PLCD3: variants seen among roughly 807,000 people sequenced by gnomAD.
PLCD3 encodes phospholipase C delta 3, also known as 1-phosphatidylinositol 4,5-bisphosphate phosphodiesterase delta-3.
Under a neutral mutation model 82.8 loss-of-function variants are expected in PLCD3, and 62 were observed. That is an observed-to-expected ratio of 0.75 (90% CI 0.61 to 0.93). PLCD3 has a LOEUF of 0.93. Ranked by LOEUF, PLCD3 falls within the 40% of genes least tolerant of loss-of-function variation. PLCD3 has a pLI of 0.00. For missense variants in PLCD3, 1,023 were observed against 1,103.4 expected (o/e 0.93, Z 1.03); for synonymous variants, 478 against 471.8 (o/e 1.01, Z -0.17).
chr17:45,121,972 A>AAAG (rs1371434667), intron 1 of PLCD3, among the ~76,000 whole-genome samples: 1 of 150,854 alleles, frequency 6.6e-6, no homozygotes, highest in African/African-American at 2.4e-5. Flanking sequence ...AAAAAAAAAA[A>AAAG]AATTGCCTTT....
At chr17:45,129,478 A>G (rs2054404123) in intron 1 of PLCD3, among the ~76,000 whole-genome samples, 1 of 152,148 alleles carries the variant, frequency 6.6e-6, no homozygotes, top group Non-Finnish European at 1.5e-5. Context: ...ATAAACAACT[A>G]ACAACAACAG....
intron 1 of PLCD3, among the ~76,000 whole-genome samples, chr17:45,127,435 C>A (rs184304305): frequency 6.6e-6 from 1 of 152,270 alleles, no homozygotes. Flanking sequence ...CGGTTTGGGG[C>A]GTGGATGGTC....
intron 14 of PLCD3, 60 bp from the exon 15 acceptor site, chr17:45,112,764 C>T (rs1432674984): frequency 3.0e-5 from 47 of 1,588,940 alleles, no homozygotes; most frequent in East Asian, 6.9e-5. Flanking sequence ...TGGCCCAGCC[C>T]GGGCCTGCTT....
rs2054315078 is a variant in PLCD3 at position 45,118,958 on chromosome 17, T to A, written c.770A>T (p.Glu257Val). The A allele has an allele frequency of 6.2e-7, 1 of 1,612,202 alleles. No homozygotes were observed. Among genetic ancestry groups the A allele is most frequent in the African/African-American group, 1.3e-5 (1 of 74,906 alleles). Reference protein sequence around the residue: ...LRRLLKRPELEEIFHQYSGED... With the variant: ...LRRLLKRPELVEIFHQYSGED... ...GCCCGAGTACTGATGGAAGATCTCC[T>A]CCAGCTCCGGCCGCTTCAGCAGCCG... is the stretch of plus-strand genomic sequence containing the variant. The change falls in exon 5 of 15, where the codon GAG becomes GTG. Residue 257 changes from glutamate (E) to valine (V), a missense_variant. By Grantham distance (121) the Glu-to-Val change is moderately radical. This residue lies in a region of PLCD3 where 448 missense variants were observed against 406.3 expected (regional missense o/e 1.10). Transcript: ENST00000619929. This position sits in a 1 kb window ranked among gnomAD's most constrained non-coding sequence, Gnocchi z 4.1.
chr17:45,118,921 C>A lies in PLCD3; in HGVS notation c.807G>T (p.Val269=). 1 of 1,612,756 alleles carries A rather than the reference C, an allele frequency of 6.2e-7. No homozygotes were observed. Among genetic ancestry groups the A allele is most frequent in the Non-Finnish European group, 8.5e-7 (1 of 1,179,772 alleles). Residue 269 remains valine (V), a synonymous_variant, in exon 5 of 15, where the codon GTG becomes GTT. Transcript: ENST00000619929. The surrounding 1 kb of genome is among the most constrained non-coding windows in gnomAD (Gnocchi z 4.1). The stretch of plus-strand genomic sequence containing the variant: ...ACTCCAGCAGCTCAGGGGCACTCAG[C>A]ACGCGGTCCTCGCCCGAGTACTGAT... The part of the protein sequence containing the change: ...IFHQYSGEDR[V]LSAPELLEFL...
chr17:45,113,267 A>G lies in PLCD3; in HGVS notation c.1996-10T>C. On this transcript the variant is annotated splice_polypyrimidine_tract_variant and intron_variant, in intron 12 of 14. Transcript: ENST00000619929. ...GCTGTGCAGTCAGCACCTGTGGGTG[A>G]GGGAGGGAGTGGCTGGGGCCCACGC... The G allele has an allele frequency of 6.2e-7, 1 of 1,601,094 alleles. No homozygotes were observed. The highest frequency in any genetic ancestry group is 8.5e-7 in the Non-Finnish European group (1 of 1,174,322).
intron 8 of PLCD3, chr17:45,115,700 C>T: frequency 1.8e-6 from 1 of 570,162 alleles, no homozygotes; most frequent in East Asian, 2.8e-5. Context: ...GGTCCCTCAA[C>T]ATCAGAATAT....
chr17:45,128,953 G>A (rs1046114042), intron 1 of PLCD3, among the ~76,000 whole-genome samples: 2 of 152,162 alleles, frequency 1.3e-5, no homozygotes, highest in Non-Finnish European at 1.5e-5. Flanking sequence ...TGACAAGCAC[G>A]GACTCTGGGC....
intron 1 of PLCD3, among the ~76,000 whole-genome samples, chr17:45,122,783 T>C (rs1466610343): frequency 6.6e-6 from 1 of 152,104 alleles, no homozygotes; most frequent in Non-Finnish European, 1.5e-5. Context: ...GCCCAAACAG[T>C]GCCACACCCT....
chr17:45,121,716 C>T (rs893443448), intron 1 of PLCD3, among the ~76,000 whole-genome samples: 2 of 152,178 alleles, frequency 1.3e-5, no homozygotes, highest in African/African-American at 2.4e-5. Flanking sequence ...TCTGGCAGGG[C>T]GCGGTGGCTC....
At position 45,121,303 on chromosome 17, in the gene PLCD3, G is replaced by T. The variant is rs770340208; in HGVS notation, c.233C>A (p.Thr78Lys). 1.9e-6 allele frequency: 3 copies of T among 1,575,356 alleles called. No homozygotes were observed. The highest frequency in any genetic ancestry group is 2.6e-6 in the Non-Finnish European group (3 of 1,169,524). ...GSRLRKIRSR[T>K]WHKERLYRLQ... ...CCGGTACAGCCGCTCCTTGTGCCAC[G>T]TGCGCGAGCGGATCTTGCGGAGCCG... Residue 78 changes from threonine (T) to lysine (K), a missense_variant, in exon 2 of 15, where the codon ACG (threonine) becomes AAG (lysine). Around this residue, in one of 3 missense-constraint regions of PLCD3, gnomAD observed 448 missense variants for 406.3 expected, o/e 1.10. Transcript: ENST00000619929.
At chr17:45,125,427 C>T (rs181203012) in intron 1 of PLCD3, among the ~76,000 whole-genome samples, 5 of 151,826 alleles carry the variant, frequency 3.3e-5, no homozygotes, top group African/African-American at 7.2e-5. Flanking sequence ...GGTGAAACCC[C>T]GTCTCTACTA....
chr17:45,132,446 GC>G lies in PLCD3; in HGVS notation c.-37del. On this transcript the variant is annotated 5_prime_UTR_variant, in exon 1 of 15. Transcript: ENST00000619929. The surrounding 1 kb of genome is among the most constrained non-coding windows in gnomAD (Gnocchi z 4.6). Reference sequence around the variant, plus strand: ...GGGGCCGGGGCCGGGCCCGGGGTCTGCACGCGGGGACAGGGCAGCGGGGCGC... The same window carrying G: ...GGGGCCGGGGCCGGGCCCGGGGTCTGACGCGGGGACAGGGCAGCGGGGCGC... The G allele has an allele frequency of 1.7e-6, 2 of 1,174,258 alleles. No individual in the cohort carries two copies. Among genetic ancestry groups the G allele is most frequent in the East Asian group, 7.3e-5 (2 of 27,270 alleles). The allele number at this position is 1,174,258 out of a possible 1,614,324, so 72.7% of individuals were successfully genotyped here.
chr17:45,125,269 C>A (rs1399538720), intron 1 of PLCD3, among the ~76,000 whole-genome samples: 1 of 151,720 alleles, frequency 6.6e-6, no homozygotes, highest in Admixed American at 6.6e-5. Context: ...TCGAGACCAG[C>A]CTAACCAACA....
intron 8 of PLCD3, among the ~76,000 whole-genome samples, chr17:45,116,414 GGT>G (rs10555766): frequency 0.13 from 19,241 of 151,804 alleles, 2,700 homozygotes; most frequent in African/African-American, 0.34. Flanking sequence ...TACAGAAGAG[GGT>G]GTGTGTGTGG....
At chr17:45,125,453 C>A (rs765059977) in intron 1 of PLCD3, among the ~76,000 whole-genome samples, 1 of 152,058 alleles carries the variant, frequency 6.6e-6, no homozygotes, top group Non-Finnish European at 1.5e-5. Flanking sequence ...AGAAAACAGC[C>A]GAGCATGGTG....
At position 45,116,756 on chromosome 17, in the gene PLCD3, A is replaced by G; in HGVS notation, c.1289T>C (p.Leu430Pro). Residue 430 changes from leucine (L) to proline (P), a missense_variant, in exon 8 of 15, where the codon CTG becomes CCG. Leu to Pro is a moderately conservative substitution (Grantham distance 98, BLOSUM62 -3). Around this residue, in one of 3 missense-constraint regions of PLCD3, gnomAD observed 553 missense variants for 655.7 expected, o/e 0.84. Transcript: ENST00000619929. The part of the protein sequence containing the change: ...TLSPYPVILS[L>P]ENHCGLEQQA... The stretch of plus-strand genomic sequence containing the variant: ...CTGCTCCAGCCCGCAGTGGTTCTCC[A>G]GGGATAGGATGACAGGGTAAGGGGA... 3 of 1,607,082 alleles carry G rather than the reference A, an allele frequency of 1.9e-6. No homozygotes were observed. Among genetic ancestry groups the G allele is most frequent in the Non-Finnish European group, 2.6e-6 (3 of 1,176,168 alleles).
chr17:45,121,359 G>C lies in PLCD3; in HGVS notation c.177C>G (p.Asp59Glu). The C allele has an allele frequency of 6.5e-7, 1 of 1,529,238 alleles. No homozygotes were observed. The highest frequency in any genetic ancestry group is 1.2e-5 in the South Asian group (1 of 82,618). The allele number at this position is 1,529,238 out of a possible 1,614,324, so 94.7% of individuals were successfully genotyped here. The change falls in exon 2 of 15, where the codon GAC becomes GAG. Residue 59 changes from aspartate to glutamate, a missense_variant. Transcript: ENST00000619929. Reference sequence around the variant, plus strand: ...CCCGCAGCATGGCGCGCACGTCCTCGTCCTCCGTCAGGCCTGGCGGGGCGG... The same window carrying C: ...CCCGCAGCATGGCGCGCACGTCCTCCTCCTCCGTCAGGCCTGGCGGGGCGG... ...RALKKMGLTE[D>E]EDVRAMLRGS...
chr17:45,124,288 TG>T (rs1276979907), intron 1 of PLCD3, among the ~76,000 whole-genome samples: 1 of 152,250 alleles, frequency 6.6e-6, no homozygotes, highest in Non-Finnish European at 1.5e-5. Context: ...AACGCCTGAC[TG>T]GGCCCCCACT....
Sources: gnomAD v4.1 joint callset for allele counts (sites outside exome capture counted in the v4.1 genomes callset) on GRCh38, gnomAD v4.1.1 for gene constraint, gnomAD v4.1.1 regional missense constraint, Gnocchi (gnomAD v3.1) non-coding constraint, MANE v1.5 for transcripts, NCBI Gene and HGNC (gene_info 2026-07-23, HGNC 2026-07-21) for gene names.